Variants in PRKCZ observed in about 807,000 individuals in gnomAD.
PRKCZ encodes the protein protein kinase C zeta type.
PRKCZ carries 33 observed loss-of-function variants against 79.5 expected under a neutral mutation model. That is an observed-to-expected ratio of 0.41 (90% confidence interval 0.31 to 0.55). The LOEUF is 0.55. Among genes scored for constraint, PRKCZ ranks in the 20% least tolerant of loss-of-function variants. The pLI is 0.19. For missense variants in PRKCZ, 578 were observed against 813.5 expected (o/e 0.71, Z 3.52); for synonymous variants, 342 against 320.9 (o/e 1.07, Z -0.70).
rs553839988 is a variant in PRKCZ, at chr1:2,091,781, G to T, written c.334+32190G>T. Among the ~76,000 whole-genome samples the T allele has an allele frequency of 2.0e-5, 3 of 152,266 alleles. No homozygotes were observed. The East Asian group carries it at 5.8e-4, about 29-fold the overall frequency. On this transcript the variant is annotated intron_variant, in intron 4 of 17. Transcript: ENST00000378567. Reference sequence around the variant, plus strand: ...GAACTGATCCCACTTGTTCCATGCGGACCCACCGATTACCAGGTGGGAGCA... The same window carrying T: ...GAACTGATCCCACTTGTTCCATGCGTACCCACCGATTACCAGGTGGGAGCA...
intron 4 of PRKCZ, among the ~76,000 whole-genome samples, chr1:2,121,640 A>G (rs61775452): frequency 0.25 from 4,528 of 18,240 alleles, 1,262 homozygotes; most frequent in East Asian, 0.51. Context: ...TCACAGTGGT[A>G]GTTAGGGTCA....
chr1:2,114,860 A>G (rs1216269967), intron 4 of PRKCZ, among the ~76,000 whole-genome samples: 1 of 152,192 alleles, frequency 6.6e-6, no homozygotes, highest in Non-Finnish European at 1.5e-5. Context: ...TATGGAAAGA[A>G]TGTTACGGCC....
intron 4 of PRKCZ, among the ~76,000 whole-genome samples, chr1:2,072,501 A>T (rs984021840): frequency 6.6e-6 from 1 of 152,114 alleles, no homozygotes; most frequent in African/African-American, 2.4e-5. Context: ...TGTGGTTTCC[A>T]TGGGAAAGGT....
intron 5 of PRKCZ, among the ~76,000 whole-genome samples, chr1:2,137,244 C>T (rs1188980544): frequency 6.6e-6 from 1 of 152,172 alleles, no homozygotes; most frequent in Non-Finnish European, 1.5e-5. Flanking sequence ...AGCCAGAAGA[C>T]CCAGGAAAAC....
intron 5 of PRKCZ, among the ~76,000 whole-genome samples, chr1:2,138,082 T>C (rs1676590200): frequency 6.6e-6 from 1 of 152,182 alleles, no homozygotes; most frequent in Non-Finnish European, 1.5e-5. Context: ...CATGTAGTGC[T>C]CACTTCATGT....
At chr1:2,143,898 C>T in intron 5 of PRKCZ, 1 of 282,250 alleles carries the variant, frequency 3.5e-6, no homozygotes, top group Non-Finnish European at 6.9e-6. Flanking sequence ...CCAGCCCCTG[C>T]AAGCCACGGG....
At chr1:2,135,047 CTG>C in intron 4 of PRKCZ, 1 of 469,194 alleles carries the variant, frequency 2.1e-6, no homozygotes, top group East Asian at 3.7e-5. Context: ...ACCTGGGCCT[CTG>C]TCTCCAGCCG....
At chr1:2,150,340 G>A (rs1235848148) in intron 8 of PRKCZ, among the ~76,000 whole-genome samples, 1 of 152,172 alleles carries the variant, frequency 6.6e-6, no homozygotes, top group Non-Finnish European at 1.5e-5. Context: ...CTAATAATGT[G>A]TGCCTGCCGG....
chr1:2,160,268 TG>T (rs1387854825), intron 10 of PRKCZ, among the ~76,000 whole-genome samples: 15 of 151,666 alleles, frequency 9.9e-5, no homozygotes, highest in Non-Finnish European at 2.2e-4. Flanking sequence ...TGTGTGTGTG[TG>T]TGTCAGTTAT....
intron 11 of PRKCZ, 146 bp from the exon 12 acceptor site, chr1:2,171,909 C>G (rs1226890456): frequency 5.0e-6 from 5 of 1,004,336 alleles, no homozygotes; most frequent in Non-Finnish European, 7.1e-6. Flanking sequence ...TGGCCCTGTG[C>G]ACTGCACTTT....
chr1:2,142,893 A>T (rs550133649), intron 5 of PRKCZ: 2 of 152,566 alleles, frequency 1.3e-5, no homozygotes, highest in South Asian at 4.0e-4. Flanking sequence ...CCCTTTGCTC[A>T]GCCGCACCTG....
intron 4 of PRKCZ, among the ~76,000 whole-genome samples, chr1:2,126,392 C>T (rs1385494551): frequency 6.6e-6 from 1 of 152,066 alleles, no homozygotes; most frequent in African/African-American, 2.4e-5. Flanking sequence ...AGGTGATGGG[C>T]AGGTCCCCCA....
In PRKCZ at chr1:2,175,702, C is replaced by T. The variant is rs569494148; in HGVS notation, c.1575+389C>T. 1.4e-4 allele frequency among the ~76,000 whole-genome samples: 22 copies of T among 152,184 alleles called. No individual in the cohort carries two copies. In the East Asian group the frequency reaches 4.3e-3, roughly 30 times the overall value. ...TGCGTGGAGCCAAGGCTCCTGTCTCCCAGAAGGGTCAGCTGGGAATGGGGG... is the reference window on the plus strand; with the variant it reads ...TGCGTGGAGCCAAGGCTCCTGTCTCTCAGAAGGGTCAGCTGGGAATGGGGG... On this transcript the variant is annotated intron_variant, in intron 16 of 17. Transcript: ENST00000378567.
At chr1:2,077,791 A>G (rs1424281545) in intron 4 of PRKCZ, among the ~76,000 whole-genome samples, 1 of 152,076 alleles carries the variant, frequency 6.6e-6, no homozygotes, top group Admixed American at 6.5e-5. Context: ...TCCATTTAGG[A>G]TGTTACTTCC....
chr1:2,181,770 G>C (rs924168894), intron 16 of PRKCZ: 2 of 454,128 alleles, frequency 4.4e-6, no homozygotes, highest in South Asian at 3.1e-5. Context: ...TTGTAAAGCA[G>C]CACAGGACTA....
rs1196274287 is a variant in PRKCZ, at chr1:2,150,939, C to G, written c.837C>G (p.Ala279=). 1.2e-6 allele frequency: 2 copies of G among 1,613,948 alleles called. No homozygotes were observed. ...VRLKKNDQIY[A]MKVVKKELVH... ...TGAAGAAGAATGACCAAATTTACGC[C>G]ATGAAAGTGGTGAAGAAAGAGCTGG... The change falls in exon 9 of 18, where the codon GCC becomes GCG. Residue 279 remains alanine, a synonymous_variant. Transcript: ENST00000378567.
At position 2,129,067 on chromosome 1, in the gene PRKCZ, C is replaced by T. The variant is rs551022644; in HGVS notation, c.335-6195C>T. Among the ~76,000 whole-genome samples, 7 of 152,242 alleles carry T rather than the reference C, an allele frequency of 4.6e-5. No individual in the cohort carries two copies. The South Asian group carries it at 1.5e-3, about 32-fold the overall frequency. ...TTTTGAGGGGTGGGGACCGCCAGGT[C>T]CCCCCAACATCCCTGCCTGCGGGCC... is the stretch of plus-strand genomic sequence containing the variant. On this transcript the variant is annotated intron_variant, in intron 4 of 17. Coordinates refer to ENST00000378567, the MANE Select transcript of PRKCZ (RefSeq NM_002744.6).
rs559583511 is a variant in PRKCZ, at chr1:2,080,961, C to T, written c.334+21370C>T. On this transcript the variant is annotated intron_variant, in intron 4 of 17. Transcript: ENST00000378567. The stretch of plus-strand genomic sequence containing the variant: ...TGTGTTTTGGGAGGAGGTGAAGCCT[C>T]CTTATATCGCTGGGTCCAGGTCCAC... Among the ~76,000 whole-genome samples the T allele has an allele frequency of 5.3e-5, 8 of 152,280 alleles. No homozygotes were observed. The South Asian group carries it at 1.5e-3, about 28-fold the overall frequency.
At position 2,144,329 on chromosome 1, in the gene PRKCZ, C is replaced by T; in HGVS notation, c.540C>T (p.Cys180=). The T allele has an allele frequency of 1.3e-6, 2 of 1,574,024 alleles. No individual in the cohort carries two copies. Among genetic ancestry groups the T allele is most frequent in the Non-Finnish European group, 8.6e-7 (1 of 1,159,380 alleles). ...GCCACGGCCTCGTCCCGCTGACCTG[C>T]AGGAAGCATATGGTGAGTGGCAGGG... ...KRCHGLVPLT[C]RKHMDSVMPS... The change falls in exon 6 of 18, where the codon TGC becomes TGT. Residue 180 remains cysteine (C), a synonymous_variant. Coordinates refer to ENST00000378567, the MANE Select transcript of PRKCZ (RefSeq NM_002744.6).
Sources: gnomAD v4.1 joint callset for allele counts (sites outside exome capture counted in the v4.1 genomes callset) on GRCh38, gnomAD v4.1.1 for gene constraint, MANE v1.5 for transcripts, NCBI Gene and HGNC (gene_info 2026-07-23, HGNC 2026-07-21) for gene names.